The following CACNA2D3 variants were observed in gnomAD, a reference collection of about 807,000 sequenced individuals.
CACNA2D3 encodes the protein voltage-dependent calcium channel subunit alpha-2/delta-3.
A neutral mutation model predicts 160.6 loss-of-function variants in CACNA2D3; 60 were observed. That is an observed-to-expected ratio of 0.37 (90% confidence interval 0.30 to 0.46). CACNA2D3 has a LOEUF of 0.46. CACNA2D3 is among the 20% of genes least tolerant of loss of function. CACNA2D3 has a pLI of 1.00. For synonymous variants in CACNA2D3, 558 were observed against 492.9 expected (o/e 1.13, Z -1.75); for missense variants, 1,205 against 1,365.0 (o/e 0.88, Z 1.85).
At chr3:54,791,855 C>A (rs9861285) in intron 13 of CACNA2D3, among the ~76,000 whole-genome samples, 7,270 of 152,178 alleles carry the variant, frequency 0.048, 562 homozygotes, top group African/African-American at 0.16. Flanking sequence ...TCAGTACAAA[C>A]ATAAGTTTGT....
At chr3:54,249,647 ATCTC>A (rs908401800) in intron 2 of CACNA2D3, among the ~76,000 whole-genome samples, 4 of 137,708 alleles carry the variant, frequency 2.9e-5, no homozygotes, top group Admixed American at 7.1e-5. Context: ...CTTAGAACAA[ATCTC>A]TCTGTTTACG....
chr3:54,894,854 A>T (rs1334998851), intron 25 of CACNA2D3: 2 of 344,636 alleles, frequency 5.8e-6, no homozygotes. Flanking sequence ...AGCACAAAGA[A>T]GAGCTTGTCT....
chr3:54,580,766 G>T (rs1381271635), intron 8 of CACNA2D3, among the ~76,000 whole-genome samples: 1 of 152,228 alleles, frequency 6.6e-6, no homozygotes, highest in Non-Finnish European at 1.5e-5. Context: ...ATGGAAGAGG[G>T]ACCTAACCCA....
intron 34 of CACNA2D3, among the ~76,000 whole-genome samples, chr3:55,010,148 A>G (rs1703178235): frequency 6.6e-6 from 1 of 152,298 alleles, no homozygotes; most frequent in African/African-American, 2.4e-5. Context: ...AATAGTAGCA[A>G]TACTGCATGT....
At chr3:54,407,914 T>C (rs1201120728) in intron 4 of CACNA2D3, among the ~76,000 whole-genome samples, 4 of 152,284 alleles carry the variant, frequency 2.6e-5, no homozygotes, top group African/African-American at 4.8e-5. Context: ...GATGCACTTA[T>C]AACATCTAGG....
intron 3 of CACNA2D3, among the ~76,000 whole-genome samples, chr3:54,337,277 C>T (rs1384490438): frequency 6.6e-6 from 1 of 152,200 alleles, no homozygotes; most frequent in Non-Finnish European, 1.5e-5. Context: ...TCTTTGCATT[C>T]CATTTTCTCA....
chr3:54,683,331 A>G (rs1442370179), intron 11 of CACNA2D3, among the ~76,000 whole-genome samples: 1 of 152,168 alleles, frequency 6.6e-6, no homozygotes, highest in African/African-American at 2.4e-5. Flanking sequence ...CTGCCTTGCT[A>G]TGTCTGGAAA....
chr3:54,808,889 A>C (rs545190225), intron 13 of CACNA2D3, among the ~76,000 whole-genome samples: 2 of 152,236 alleles, frequency 1.3e-5, no homozygotes, highest in East Asian at 3.9e-4. Flanking sequence ...AACCTCTCAT[A>C]CGCTATCGGA....
At chr3:54,484,709 T>C (rs545234912) in intron 4 of CACNA2D3, among the ~76,000 whole-genome samples, 39 of 152,324 alleles carry the variant, frequency 2.6e-4, no homozygotes, top group African/African-American at 9.1e-4. Context: ...CTGGAAATGG[T>C]GAAGTTATTA....
At chr3:54,525,275 T>C (rs112592157) in intron 5 of CACNA2D3, among the ~76,000 whole-genome samples, 1,554 of 152,260 alleles carry the variant, frequency 0.01, 16 homozygotes, top group African/African-American at 0.034. Flanking sequence ...TTGGCAAATA[T>C]ATTACCTCTC....
chr3:54,645,058 C>G (rs913466739), intron 11 of CACNA2D3, among the ~76,000 whole-genome samples: 1 of 152,178 alleles, frequency 6.6e-6, no homozygotes, highest in Non-Finnish European at 1.5e-5. Context: ...CTATAAAGAA[C>G]TGCCTGAGAG....
chr3:54,334,235 C>T (rs572037862), intron 3 of CACNA2D3, among the ~76,000 whole-genome samples: 15 of 152,102 alleles, frequency 9.9e-5, no homozygotes, highest in African/African-American at 2.2e-4. Flanking sequence ...TACAGGCGCT[C>T]GCCACGACGC....
chr3:54,661,077 G>A (rs1227782369), intron 11 of CACNA2D3, among the ~76,000 whole-genome samples: 2 of 152,112 alleles, frequency 1.3e-5, no homozygotes, highest in Admixed American at 6.5e-5. Flanking sequence ...GCTGGAATGC[G>A]AACTGAAAGT....
intron 2 of CACNA2D3, among the ~76,000 whole-genome samples, chr3:54,158,368 G>A (rs1230712226): frequency 2.0e-5 from 3 of 152,146 alleles, no homozygotes; most frequent in Admixed American, 6.5e-5. Context: ...TCTTTGAACA[G>A]TATAACCAGG....
intron 11 of CACNA2D3, among the ~76,000 whole-genome samples, chr3:54,737,268 C>T (rs1033490001): frequency 5.9e-5 from 9 of 151,442 alleles, no homozygotes; most frequent in African/African-American, 1.9e-4. Flanking sequence ...CTGTAAATTA[C>T]ACCATGTGCT....
At chr3:54,478,221 T>A (rs1248972045) in intron 4 of CACNA2D3, among the ~76,000 whole-genome samples, 1 of 152,202 alleles carries the variant, frequency 6.6e-6, no homozygotes, top group Non-Finnish European at 1.5e-5. Flanking sequence ...AAAAATTTAA[T>A]TAATGACTAG....
At chr3:54,270,109 C>A (rs1388403863) in intron 2 of CACNA2D3, among the ~76,000 whole-genome samples, 1 of 152,128 alleles carries the variant, frequency 6.6e-6, no homozygotes, top group Non-Finnish European at 1.5e-5. Context: ...GGCGTGAAAG[C>A]GTTTTTTAAA....
chr3:54,353,121 G>A (rs1216986387), intron 3 of CACNA2D3, among the ~76,000 whole-genome samples: 1 of 151,964 alleles, frequency 6.6e-6, no homozygotes, highest in East Asian at 1.9e-4. Context: ...TTTCTTTTTT[G>A]TACCCATTAA....
intron 2 of CACNA2D3, among the ~76,000 whole-genome samples, chr3:54,184,826 A>G (rs1700852384): frequency 6.6e-6 from 1 of 152,214 alleles, no homozygotes; most frequent in Non-Finnish European, 1.5e-5. Flanking sequence ...TTCTGGAGCA[A>G]ACAATGGAAT....
Sources: gnomAD v4.1 joint callset for allele counts (sites outside exome capture counted in the v4.1 genomes callset) on GRCh38, gnomAD v4.1.1 for gene constraint, MANE v1.5 for transcripts, NCBI Gene and HGNC (gene_info 2026-07-23, HGNC 2026-07-21) for gene names.